Variants in TEX36 observed in about 807,000 individuals in gnomAD.
The protein encoded by TEX36 is testis expressed 36.
Under a neutral mutation model 13.6 loss-of-function variants are expected in TEX36, and 12 were observed. The ratio of observed to expected loss-of-function variants is 0.88; its 90% CI spans 0.56 to 1.43. The LOEUF is 1.43. Ranked by LOEUF, TEX36 falls within the 40% of genes most tolerant of loss-of-function variation. The probability of loss-of-function intolerance (pLI) is 0.00; values close to 1 mark genes in which losing one functional copy is unlikely to be tolerated. For missense variants in TEX36, 224 were observed against 228.3 expected (o/e 0.98, Z 0.12); for synonymous variants, 93 against 83.0 (o/e 1.12, Z -0.65).
intron 3 of TEX36, among the ~76,000 whole-genome samples, chr10:125,632,220 G>T (rs902023548): frequency 6.6e-6 from 1 of 152,066 alleles, no homozygotes; most frequent in Non-Finnish European, 1.5e-5. Flanking sequence ...GAGTGGTCTG[G>T]GGGAGAGGTG....
downstream of TEX36, among the ~76,000 whole-genome samples, chr10:125,652,927 C>T (rs1397696211): frequency 1.3e-4 from 20 of 152,106 alleles, no homozygotes; most frequent in Non-Finnish European, 2.9e-4. Flanking sequence ...GCAAATCAAA[C>T]CACAATGAGA....
At chr10:125,605,838 G>A (rs1188742865) in intron 3 of TEX36, among the ~76,000 whole-genome samples, 1 of 152,134 alleles carries the variant, frequency 6.6e-6, no homozygotes, top group African/African-American at 2.4e-5. Flanking sequence ...CTGACCTCAG[G>A]TGATCTGCCT....
intron 3 of TEX36, among the ~76,000 whole-genome samples, chr10:125,635,911 T>A (rs535655073): frequency 7.2e-5 from 11 of 152,138 alleles, no homozygotes; most frequent in African/African-American, 2.2e-4. Flanking sequence ...TCAAGCTCTG[T>A]CACCCAGCCT....
intron 3 of TEX36, among the ~76,000 whole-genome samples, chr10:125,585,786 T>C (rs1442736183): frequency 6.6e-6 from 1 of 152,256 alleles, no homozygotes; most frequent in Non-Finnish European, 1.5e-5. Context: ...TCCATAGTTT[T>C]CTCCAGGCTT....
At chr10:125,676,764 T>G (rs1380073950) in intron 1 of TEX36, among the ~76,000 whole-genome samples, 1 of 152,230 alleles carries the variant, frequency 6.6e-6, no homozygotes, top group African/African-American at 2.4e-5. Context: ...TTTGAATCCT[T>G]TCTCTTCCTC....
At chr10:125,608,647 A>C (rs1487773530) in intron 3 of TEX36, among the ~76,000 whole-genome samples, 1 of 152,110 alleles carries the variant, frequency 6.6e-6, no homozygotes, top group Non-Finnish European at 1.5e-5. Flanking sequence ...CCCCTATTTC[A>C]GCCTCCCCGC....
chr10:125,589,849 G>A (rs1359743858), intron 3 of TEX36, among the ~76,000 whole-genome samples: 2 of 152,114 alleles, frequency 1.3e-5, no homozygotes, highest in Non-Finnish European at 2.9e-5. Context: ...ATTGTCTGAT[G>A]AAGAAATATG....
chr10:125,584,286 T>C (rs1378570631), intron 3 of TEX36, among the ~76,000 whole-genome samples: 1 of 152,190 alleles, frequency 6.6e-6, no homozygotes, highest in Non-Finnish European at 1.5e-5. Flanking sequence ...ACAAATAAAA[T>C]GGATGTTGTT....
At chr10:125,619,259 G>A (rs77285474), downstream of TEX36, among the ~76,000 whole-genome samples, 2,868 of 152,210 alleles carry the variant, frequency 0.019, 101 homozygotes, top group African/African-American at 0.066. Context: ...CACAGAAACA[G>A]AGCACTGAAG....
At chr10:125,631,859 G>T (rs1401647124) in intron 3 of TEX36, among the ~76,000 whole-genome samples, 1 of 152,106 alleles carries the variant, frequency 6.6e-6, no homozygotes, top group Non-Finnish European at 1.5e-5. Flanking sequence ...GAGTGGTCAG[G>T]GGCCATGCAG....
At chr10:125,638,490 A>C (rs1846646420) in intron 3 of TEX36, among the ~76,000 whole-genome samples, 1 of 152,146 alleles carries the variant, frequency 6.6e-6, no homozygotes, top group Non-Finnish European at 1.5e-5. Flanking sequence ...CCCAGAAGGA[A>C]AACCAGCCCT....
At chr10:125,635,496 C>G (rs1846612010) in intron 3 of TEX36, among the ~76,000 whole-genome samples, 1 of 152,200 alleles carries the variant, frequency 6.6e-6, no homozygotes, top group Non-Finnish European at 1.5e-5. Context: ...TGACAACTGT[C>G]CATGGCAAAG....
At chr10:125,616,126 G>T (rs1399471438) in intron 3 of TEX36, among the ~76,000 whole-genome samples, 1 of 152,132 alleles carries the variant, frequency 6.6e-6, no homozygotes, top group East Asian at 1.9e-4. Flanking sequence ...GATCGGTGAT[G>T]ATATCCCCTT....
At chr10:125,628,533 C>T (rs1846514505) in intron 3 of TEX36, among the ~76,000 whole-genome samples, 1 of 152,300 alleles carries the variant, frequency 6.6e-6, no homozygotes, top group South Asian at 2.1e-4. Flanking sequence ...CCAGGAAAGG[C>T]TTCCTTTGTC....
downstream of TEX36, among the ~76,000 whole-genome samples, chr10:125,618,922 C>T (rs576542499): frequency 2.3e-3 from 279 of 122,096 alleles, 4 homozygotes; most frequent in African/African-American, 7.8e-3. Context: ...CTGGCTAACA[C>T]GGTGAAACCC....
downstream of TEX36, among the ~76,000 whole-genome samples, chr10:125,620,673 A>G (rs935253644): frequency 6.6e-6 from 1 of 152,176 alleles, no homozygotes; most frequent in African/African-American, 2.4e-5. Context: ...CTATTTTTAA[A>G]TATATACTTC....
At chr10:125,644,439 AC>A (rs201854513) in intron 3 of TEX36, among the ~76,000 whole-genome samples, 1,895 of 152,318 alleles carry the variant, frequency 0.012, 14 homozygotes, top group Middle Eastern at 0.024. Flanking sequence ...ATAAAAAAAA[AC>A]AATACTGAAA....
rs191443124 is a variant in TEX36, at chr10:125,636,028, C to T, written c.265-14383G>A. On this transcript the variant is annotated intron_variant, in intron 3 of 3. Transcript: ENST00000526819. ...AGCTGGGATTACAGGTGCACACTAC[C>T]GCACCTGGCTAATTTTTAAAATGTA... is the stretch of plus-strand genomic sequence containing the variant. Among the ~76,000 whole-genome samples the T allele has an allele frequency of 1.5e-3, 232 of 151,858 alleles. 1 individual carries two copies. The highest frequency in any genetic ancestry group is 9.2e-3 in the South Asian group (44 of 4,790).
At chr10:125,603,166 T>C (rs1206213870) in intron 3 of TEX36, among the ~76,000 whole-genome samples, 3 of 152,236 alleles carry the variant, frequency 2.0e-5, no homozygotes, top group Non-Finnish European at 4.4e-5. Context: ...AGAGTCCCAT[T>C]TGTCCAATAA....
Sources: allele counts gnomAD v4.1 joint callset (sites outside exome capture counted in the v4.1 genomes callset), GRCh38; gene constraint gnomAD v4.1.1; transcripts MANE v1.5; gene names NCBI Gene and HGNC (gene_info 2026-07-23, HGNC 2026-07-21).